ZNF804B: variants seen among roughly 807,000 people sequenced by gnomAD.
ZNF804B encodes zinc finger 804B.
In ZNF804B, 80 loss-of-function variants were observed where a neutral mutation model predicts 101.4. That is an observed-to-expected ratio of 0.79 (90% CI 0.66 to 0.95). The LOEUF is 0.95. ZNF804B is among the 40% of genes least tolerant of loss of function. ZNF804B has a pLI of 0.00. For missense variants in ZNF804B, 1,673 were observed against 1,561.9 expected, an observed-to-expected ratio of 1.07 and a Z score of -1.20; for synonymous variants, 622 against 558.8, an observed-to-expected ratio of 1.11 and a Z score of -1.59.
chr7:89,262,331 C>T (rs531131679), intron 2 of ZNF804B, among the ~76,000 whole-genome samples: 33 of 152,190 alleles, frequency 2.2e-4, no homozygotes, highest in Non-Finnish European at 3.8e-4. Flanking sequence ...GGCCCATGCT[C>T]ATTATTTTCT....
intron 2 of ZNF804B, among the ~76,000 whole-genome samples, chr7:89,224,910 G>A (rs1471113718): frequency 6.6e-6 from 1 of 151,950 alleles, no homozygotes; most frequent in African/African-American, 2.4e-5. Context: ...GAGGCTTTTT[G>A]CTCTCAAGGT....
intron 1 of ZNF804B, among the ~76,000 whole-genome samples, chr7:88,831,991 A>T (rs1429460056): frequency 6.6e-6 from 1 of 151,838 alleles, no homozygotes; most frequent in Non-Finnish European, 1.5e-5. Flanking sequence ...TTATGTATAC[A>T]CCTGAAGGAA....
At chr7:88,940,792 T>C (rs1420623969) in intron 1 of ZNF804B, among the ~76,000 whole-genome samples, 1 of 146,940 alleles carries the variant, frequency 6.8e-6, no homozygotes, top group Non-Finnish European at 1.5e-5. Context: ...ATAATAATAA[T>C]AATAATAATA....
rs553955890 is a variant in ZNF804B at position 89,141,643 on chromosome 7, C to A, written c.109-76512C>A. ...CTTTTTTGAGGAATCACCATATTGTCTTTTGCAATAGCTTTACCACTTTAT... is the reference window on the plus strand; with the variant it reads ...CTTTTTTGAGGAATCACCATATTGTATTTTGCAATAGCTTTACCACTTTAT... On this transcript the variant is annotated intron_variant, in intron 1 of 3. Transcript: ENST00000333190. Among the ~76,000 whole-genome samples the A allele has an allele frequency of 9.2e-5, 14 of 152,070 alleles. No individual in the cohort carries two copies. In the South Asian group the frequency reaches 2.3e-3, roughly 25 times the overall value.
rs373852948 is a variant in ZNF804B, at chr7:88,779,347, C to A, written c.108+19263C>A. On this transcript the variant is annotated intron_variant, in intron 1 of 3. Transcript: ENST00000333190. ...AACCAATGTCAACTCATGAATAATC[C>A]CTGGATTTATAACACTGAGGCCAGA... 6.6e-5 allele frequency among the ~76,000 whole-genome samples: 10 copies of A among 152,158 alleles called. No homozygotes were observed. The South Asian group carries it at 2.1e-3, about 32-fold the overall frequency.
intron 1 of ZNF804B, among the ~76,000 whole-genome samples, chr7:89,017,420 T>G (rs2116208184): frequency 6.6e-6 from 1 of 152,348 alleles, no homozygotes; most frequent in East Asian, 1.9e-4. Context: ...GTGCCAGTTT[T>G]CAAAGGGAAT....
chr7:89,003,074 G>C (rs202005895), intron 1 of ZNF804B, among the ~76,000 whole-genome samples: 2 of 151,054 alleles, frequency 1.3e-5, no homozygotes, highest in East Asian at 3.9e-4. Context: ...AGAGGAAAGG[G>C]TTACGGTAAG....
chr7:89,074,386 T>TGAATTAA (rs1242863727), intron 1 of ZNF804B, among the ~76,000 whole-genome samples: 1 of 152,182 alleles, frequency 6.6e-6, no homozygotes, highest in Non-Finnish European at 1.5e-5. Flanking sequence ...GGGAGGTGAC[T>TGAATTAA]GAATTAAGCG....
chr7:88,792,216 G>A (rs1250666859), intron 1 of ZNF804B, among the ~76,000 whole-genome samples: 1 of 152,056 alleles, frequency 6.6e-6, no homozygotes, highest in Non-Finnish European at 1.5e-5. Context: ...TTCAAGGGGA[G>A]AGAGTTAGAA....
chr7:88,791,845 A>G (rs1408014909), intron 1 of ZNF804B, among the ~76,000 whole-genome samples: 3 of 152,142 alleles, frequency 2.0e-5, no homozygotes, highest in Non-Finnish European at 4.4e-5. Flanking sequence ...ATAAACAATA[A>G]TCACTAATGT....
intron 1 of ZNF804B, among the ~76,000 whole-genome samples, chr7:89,217,671 C>G (rs1304455273): frequency 3.3e-5 from 5 of 152,216 alleles, no homozygotes; most frequent in South Asian, 2.1e-4. Context: ...GGAACTGATG[C>G]TTGTGGAGGA....
chr7:88,874,938 A>G (rs1791903731), intron 1 of ZNF804B, among the ~76,000 whole-genome samples: 1 of 141,820 alleles, frequency 7.1e-6, no homozygotes, highest in African/African-American at 2.7e-5. Context: ...ATGTAAAAGA[A>G]CAGAAATTAT....
At chr7:89,163,000 A>G (rs948936021) in intron 1 of ZNF804B, among the ~76,000 whole-genome samples, 3 of 151,826 alleles carry the variant, frequency 2.0e-5, no homozygotes, top group African/African-American at 7.3e-5. Flanking sequence ...AAAGGACATG[A>G]ACTCATCATT....
chr7:89,308,869 G>A (rs1458362090), intron 2 of ZNF804B, among the ~76,000 whole-genome samples: 2 of 152,218 alleles, frequency 1.3e-5, no homozygotes, highest in Non-Finnish European at 2.9e-5. Flanking sequence ...ACAAAAGGAG[G>A]CTGAAGGCCA....
intron 2 of ZNF804B, among the ~76,000 whole-genome samples, chr7:89,253,063 G>A (rs1394955398): frequency 1.3e-5 from 2 of 151,778 alleles, no homozygotes; most frequent in Non-Finnish European, 2.9e-5. Flanking sequence ...CATAAATAAG[G>A]ACAGAAAAAA....
chr7:88,821,581 C>A (rs1459298414), intron 1 of ZNF804B, among the ~76,000 whole-genome samples: 1 of 152,106 alleles, frequency 6.6e-6, no homozygotes, highest in African/African-American at 2.4e-5. Context: ...TGTAAACTTG[C>A]AGAAATTATA....
At chr7:89,032,175 T>C (rs367844636) in intron 1 of ZNF804B, among the ~76,000 whole-genome samples, 3 of 152,234 alleles carry the variant, frequency 2.0e-5, no homozygotes, top group East Asian at 3.9e-4. Context: ...ACGTTGATTT[T>C]TTTCCCCCTC....
At chr7:89,203,411 A>G (rs745572293) in intron 1 of ZNF804B, among the ~76,000 whole-genome samples, 2 of 152,214 alleles carry the variant, frequency 1.3e-5, no homozygotes, top group African/African-American at 2.4e-5. Flanking sequence ...ATAGACAAGC[A>G]TAAGTAGTTT....
chr7:89,017,584 G>T (rs1384171918), intron 1 of ZNF804B, among the ~76,000 whole-genome samples: 2 of 152,028 alleles, frequency 1.3e-5, no homozygotes, highest in African/African-American at 2.4e-5. Flanking sequence ...ATAGAGATTA[G>T]ATTGAATCTG....
Sources: gnomAD v4.1 joint callset for allele counts (sites outside exome capture counted in the v4.1 genomes callset) on GRCh38, gnomAD v4.1.1 for gene constraint, MANE v1.5 for transcripts, NCBI Gene and HGNC (gene_info 2026-07-23, HGNC 2026-07-21) for gene names.